The following THSD7B variants were observed in gnomAD, a reference collection of about 807,000 sequenced individuals.
THSD7B encodes thrombospondin type 1 domain containing 7B, also known as thrombospondin type-1 domain-containing protein 7B.
In THSD7B, 138 loss-of-function variants were observed where a neutral mutation model predicts 213.6. The observed-to-expected ratio is 0.65, with a 90% confidence interval of 0.56 to 0.74. The LOEUF (loss-of-function observed/expected upper bound fraction) is 0.74. Among genes scored for constraint, THSD7B ranks in the 30% least tolerant of loss-of-function variants. THSD7B has a pLI of 0.00. For missense variants in THSD7B, 1,931 were observed against 1,991.5 expected (o/e 0.97, Z 0.58); for synonymous variants, 742 against 687.0 (o/e 1.08, Z -1.25).
At chr2:137,076,468 A>G (rs1330893494) in intron 3 of THSD7B, among the ~76,000 whole-genome samples, 5 of 152,120 alleles carry the variant, frequency 3.3e-5, no homozygotes, top group African/African-American at 9.7e-5. Flanking sequence ...GAGTGAACCA[A>G]TTTTCCAGGT....
At chr2:137,242,635 T>A in intron 10 of THSD7B, 63 bp downstream of exon 10, 1 of 1,278,038 alleles carries the variant, frequency 7.8e-7, no homozygotes, top group Non-Finnish European at 1.1e-6. Context: ...CACATCTAAG[T>A]AAGTGAGAGG....
rs182971774 is a variant in THSD7B at position 136,769,274 on chromosome 2, A to C, written c.-36+3587A>C. ...ACTGAATTCCTACATTTATGCTTTC[A>C]TTCTAAGCCATGAATCCTGGTATGG... On this transcript the variant is annotated intron_variant, in intron 1 of 27. Coordinates refer to ENST00000409968, the MANE Select transcript of THSD7B (RefSeq NM_001316349.2). 3.9e-5 allele frequency among the ~76,000 whole-genome samples: 6 copies of C among 152,348 alleles called. No homozygotes were observed. The East Asian group carries it at 1.2e-3, about 29-fold the overall frequency.
chr2:137,225,905 T>C, intron 7 of THSD7B, among the ~76,000 whole-genome samples: 1 of 151,834 alleles, frequency 6.6e-6, no homozygotes, highest in East Asian at 1.9e-4. Flanking sequence ...TGCCCTTAGC[T>C]TTTGTTCCAT....
chr2:136,814,393 A>C (rs983855328), intron 1 of THSD7B, among the ~76,000 whole-genome samples: 7 of 150,880 alleles, frequency 4.6e-5, no homozygotes, highest in East Asian at 1.9e-4. Flanking sequence ...TTTTCTTTTT[A>C]TTTTATTATT....
At chr2:136,821,782 A>T (rs1426022653) in intron 1 of THSD7B, among the ~76,000 whole-genome samples, 1 of 152,140 alleles carries the variant, frequency 6.6e-6, no homozygotes, top group African/African-American at 2.4e-5. Context: ...AGGGGCTTCT[A>T]TGGGAGCCTT....
At chr2:137,509,872 T>A (rs908339380) in intron 15 of THSD7B, among the ~76,000 whole-genome samples, 2 of 152,206 alleles carry the variant, frequency 1.3e-5, no homozygotes, top group Non-Finnish European at 2.9e-5. Flanking sequence ...TCATTAAATA[T>A]GAAATCTCTT....
At chr2:136,782,352 A>T (rs1157768353) in intron 1 of THSD7B, among the ~76,000 whole-genome samples, 1 of 151,758 alleles carries the variant, frequency 6.6e-6, no homozygotes, top group East Asian at 1.9e-4. Context: ...CACCTCCTTC[A>T]TTGGTCTCTC....
chr2:137,098,249 G>T (rs746428706), intron 4 of THSD7B, among the ~76,000 whole-genome samples: 1 of 152,016 alleles, frequency 6.6e-6, no homozygotes, highest in African/African-American at 2.4e-5. Flanking sequence ...TTAGAATACC[G>T]TTTGACTTTT....
At chr2:136,882,380 CCTT>C (rs940600746) in intron 2 of THSD7B, 63 bp downstream of exon 2, 864 of 1,345,486 alleles carry the variant, frequency 6.4e-4, no homozygotes, top group South Asian at 2.0e-3. Flanking sequence ...TTCTTTCCAT[CCTT>C]CTTCTTCTTC....
chr2:137,545,760 G>T (rs1680695399), intron 15 of THSD7B, among the ~76,000 whole-genome samples: 1 of 151,776 alleles, frequency 6.6e-6, no homozygotes, highest in African/African-American at 2.4e-5. Context: ...AGCCCATCAT[G>T]AGTCCAGCAC....
chr2:137,642,955 G>A (rs527667395), intron 21 of THSD7B, among the ~76,000 whole-genome samples: 4 of 152,240 alleles, frequency 2.6e-5, no homozygotes, highest in East Asian at 1.9e-4. Context: ...TTAATTAGGC[G>A]AAAATCCTGA....
chr2:137,205,471 C>T (rs1246972607), intron 7 of THSD7B, among the ~76,000 whole-genome samples: 2 of 128,392 alleles, frequency 1.6e-5, no homozygotes, highest in Non-Finnish European at 3.3e-5. Context: ...TAATGAAATG[C>T]ATGGTTAGAT....
chr2:136,906,249 TA>T (rs1386008621), intron 2 of THSD7B, among the ~76,000 whole-genome samples: 9 of 152,202 alleles, frequency 5.9e-5, no homozygotes, highest in African/African-American at 2.2e-4. Context: ...AGATATTCTT[TA>T]TGAGAGCTTC....
At chr2:137,269,224 A>G (rs966793527) in intron 10 of THSD7B, among the ~76,000 whole-genome samples, 4 of 152,186 alleles carry the variant, frequency 2.6e-5, no homozygotes, top group Admixed American at 2.6e-4. Context: ...TTGATACTAA[A>G]TGTTGATTTT....
intron 15 of THSD7B, among the ~76,000 whole-genome samples, chr2:137,536,570 G>T (rs973170811): frequency 6.7e-4 from 101 of 151,670 alleles, no homozygotes; most frequent in African/African-American, 2.4e-3. Context: ...AGTAAAAGTG[G>T]TTGAAATATT....
intron 12 of THSD7B, among the ~76,000 whole-genome samples, chr2:137,304,643 T>C (rs1037082571): frequency 2.0e-5 from 3 of 152,110 alleles, no homozygotes; most frequent in African/African-American, 7.2e-5. Context: ...TTCACTGGTA[T>C]ATGTATGCTA....
chr2:137,389,540 G>A (rs907043537), intron 12 of THSD7B, among the ~76,000 whole-genome samples: 8 of 142,026 alleles, frequency 5.6e-5, no homozygotes, highest in African/African-American at 2.1e-4. Context: ...ACTCTTGATT[G>A]TTTTCTTTGC....
intron 2 of THSD7B, among the ~76,000 whole-genome samples, chr2:136,890,121 C>G (rs1049222376): frequency 6.6e-6 from 1 of 151,978 alleles, no homozygotes; most frequent in Non-Finnish European, 1.5e-5. Flanking sequence ...ATTCTGATCC[C>G]GACTTTTTGC....
chr2:137,146,568 G>T (rs1189449089), intron 5 of THSD7B, among the ~76,000 whole-genome samples: 1 of 152,052 alleles, frequency 6.6e-6, no homozygotes, highest in African/African-American at 2.4e-5. Flanking sequence ...GACTATACTT[G>T]TATGTTGCTT....
Sources: gnomAD v4.1 joint callset for allele counts (sites outside exome capture counted in the v4.1 genomes callset) on GRCh38, gnomAD v4.1.1 for gene constraint, MANE v1.5 for transcripts, NCBI Gene and HGNC (gene_info 2026-07-23, HGNC 2026-07-21) for gene names.